Variants in WDFY4 observed in about 807,000 individuals in gnomAD.
WDFY4 encodes the protein WD repeat- and FYVE domain-containing protein 4.
WDFY4 carries 169 observed loss-of-function variants against 351.9 expected under a neutral mutation model. The observed-to-expected ratio is 0.48, with a 90% CI of 0.42 to 0.55. The LOEUF is 0.55. Among genes scored for constraint, WDFY4 ranks in the 20% least tolerant of loss-of-function variants. WDFY4 has a pLI of 0.00. For synonymous variants in WDFY4, 1,622 were observed against 1,574.6 expected (o/e 1.03, Z -0.71); for missense variants, 3,803 against 3,935.6 (o/e 0.97, Z 0.90).
chr10:48,736,654 C>T (rs139740459), intron 11 of WDFY4, among the ~76,000 whole-genome samples: 29 of 152,332 alleles, frequency 1.9e-4, no homozygotes, highest in African/African-American at 6.0e-4. Flanking sequence ...AATTGTGATA[C>T]AACCCTTGCC....
chr10:48,835,757 C>T (rs943384087), intron 39 of WDFY4, among the ~76,000 whole-genome samples: 1 of 152,228 alleles, frequency 6.6e-6, no homozygotes, highest in African/African-American at 2.4e-5. Context: ...CATTCTTCTC[C>T]ACTGACCCCA....
At chr10:48,954,199 G>A (rs1174881106) in intron 51 of WDFY4, among the ~76,000 whole-genome samples, 2 of 152,176 alleles carry the variant, frequency 1.3e-5, no homozygotes, top group African/African-American at 4.8e-5. Context: ...ATCTTTACAT[G>A]TGAGTGATGT....
chr10:48,731,900 T>G (rs2132341802), intron 9 of WDFY4, among the ~76,000 whole-genome samples: 1 of 152,264 alleles, frequency 6.6e-6, no homozygotes, highest in Non-Finnish European at 1.5e-5. Flanking sequence ...GGCCTGAGGT[T>G]TGGGGGCCCT....
intron 43 of WDFY4, among the ~76,000 whole-genome samples, chr10:48,886,923 T>A (rs2070480527): frequency 6.6e-6 from 1 of 152,242 alleles, no homozygotes; most frequent in Non-Finnish European, 1.5e-5. Flanking sequence ...AATCATGGCA[T>A]AAGGGATTTC....
Position 48,801,614 on chromosome 10 carries a change from G to C in WDFY4, c.4411-1672G>C. On this transcript the variant is annotated intron_variant, in intron 24 of 61. Transcript: ENST00000325239. ...GGCCCACCTCTGTGTGTGCCTTTGG[G>C]CAGTGGCTGTGCTTAAAAAAGCAGG... 15 of 415,116 alleles carry C rather than the reference G, an allele frequency of 3.6e-5. 1 individual carries two copies. Among genetic ancestry groups the C allele is most frequent in the South Asian group, 2.5e-4 (15 of 60,072 alleles). 25.7% of individuals were successfully genotyped at this position (415,116 alleles called of 1,614,324 possible). A position where few individuals can be genotyped will look rare whatever the true frequency, so the allele number is the denominator to read the frequency against.
intron 27 of WDFY4, among the ~76,000 whole-genome samples, chr10:48,807,188 T>A (rs897179074): frequency 6.6e-6 from 1 of 152,206 alleles, no homozygotes; most frequent in South Asian, 2.1e-4. Flanking sequence ...TGTATTGGTG[T>A]GAAATTGCTG....
intron 47 of WDFY4, among the ~76,000 whole-genome samples, chr10:48,913,132 A>G (rs969661409): frequency 1.3e-5 from 2 of 152,200 alleles, no homozygotes; most frequent in African/African-American, 4.8e-5. Flanking sequence ...ATGGACATGG[A>G]CAGGCCCTTC....
chr10:48,858,495 C>G (rs2069220567), intron 39 of WDFY4, among the ~76,000 whole-genome samples: 1 of 152,172 alleles, frequency 6.6e-6, no homozygotes, highest in African/African-American at 2.4e-5. Flanking sequence ...GCAACTTTGT[C>G]AAAAATTAGT....
chr10:48,962,802 C>A (rs550137471), intron 53 of WDFY4, among the ~76,000 whole-genome samples: 46 of 152,292 alleles, frequency 3.0e-4, no homozygotes, highest in African/African-American at 9.9e-4. Context: ...CCTGTCCTCC[C>A]ATCTGGAGTC....
intron 39 of WDFY4, among the ~76,000 whole-genome samples, chr10:48,853,554 C>T (rs1434857430): frequency 6.6e-6 from 1 of 152,156 alleles, no homozygotes; most frequent in East Asian, 1.9e-4. Context: ...ATAACACTGT[C>T]CTAAGAGAGT....
chr10:48,849,039 G>A (rs1432433572), intron 39 of WDFY4, among the ~76,000 whole-genome samples: 1 of 152,176 alleles, frequency 6.6e-6, no homozygotes, highest in African/African-American at 2.4e-5. Flanking sequence ...TGCCCTCCAT[G>A]CATGGGGGAT....
intron 40 of WDFY4, 85 bp from the exon 41 acceptor site, chr10:48,873,406 C>G: frequency 7.1e-7 from 1 of 1,409,858 alleles, no homozygotes; most frequent in Non-Finnish European, 9.4e-7. Flanking sequence ...GGAGACTTGG[C>G]TTATTCACCC....
chr10:48,859,308 C>T (rs772640798), intron 39 of WDFY4, among the ~76,000 whole-genome samples: 2 of 151,944 alleles, frequency 1.3e-5, no homozygotes, highest in Admixed American at 1.3e-4. Context: ...AATTTTAAAG[C>T]GAAAGTATTC....
intron 1 of WDFY4, among the ~76,000 whole-genome samples, chr10:48,688,994 C>T (rs771344202): frequency 6.6e-6 from 1 of 152,132 alleles, no homozygotes; most frequent in Non-Finnish European, 1.5e-5. Context: ...GATGGAGATG[C>T]TTGTTAGACA....
chr10:48,878,086 G>T (rs1208012543), intron 43 of WDFY4: 1 of 152,268 alleles, frequency 6.6e-6, no homozygotes, highest in Non-Finnish European at 1.5e-5. Context: ...GAAGTACAGG[G>T]ACTACTTCAG....
intron 47 of WDFY4, among the ~76,000 whole-genome samples, chr10:48,939,067 C>T (rs34287132): frequency 7.9e-5 from 12 of 152,226 alleles, no homozygotes; most frequent in African/African-American, 2.4e-4. Flanking sequence ...CCAGCAAACC[C>T]TGAGGAGCTT....
chr10:48,699,356 A>G (rs778899607), intron 1 of WDFY4, among the ~76,000 whole-genome samples: 5 of 152,264 alleles, frequency 3.3e-5, no homozygotes, highest in Non-Finnish European at 4.4e-5. Context: ...CTATTGTAAC[A>G]TCCAGTGTCC....
intron 12 of WDFY4, among the ~76,000 whole-genome samples, chr10:48,756,190 T>G (rs1444598110): frequency 1.3e-5 from 2 of 152,078 alleles, no homozygotes; most frequent in Non-Finnish European, 2.9e-5. Flanking sequence ...ATTTAGGTCT[T>G]TGATTCTTTC....
chr10:48,890,315 T>G (rs1290107934), intron 43 of WDFY4, among the ~76,000 whole-genome samples: 2 of 152,104 alleles, frequency 1.3e-5, no homozygotes, highest in African/African-American at 4.8e-5. Flanking sequence ...GTGCTGAATA[T>G]AGCAGTAAAC....
Sources: allele counts gnomAD v4.1 joint callset (sites outside exome capture counted in the v4.1 genomes callset), GRCh38; gene constraint gnomAD v4.1.1; transcripts MANE v1.5; gene names NCBI Gene and HGNC (gene_info 2026-07-23, HGNC 2026-07-21).